The following C2CD5 variants were observed in gnomAD, a reference collection of about 807,000 sequenced individuals.
The protein encoded by C2CD5 is C2 calcium dependent domain containing 5, also known as C2 domain-containing protein 5.
In C2CD5, 109 loss-of-function variants were observed where a neutral mutation model predicts 130.3. The ratio of observed to expected loss-of-function variants is 0.84; its 90% confidence interval spans 0.72 to 0.98. C2CD5 has a LOEUF of 0.98. Ranked by LOEUF, C2CD5 falls within the 50% of genes least tolerant of loss-of-function variation. The pLI is 0.00. For missense variants in C2CD5, 996 were observed against 1,261.8 expected (o/e 0.79, Z 3.19); for synonymous variants, 454 against 429.2 (o/e 1.06, Z -0.71).
chr12:22,497,939 CACAA>C (rs1417695068), intron 10 of C2CD5, among the ~76,000 whole-genome samples: 3 of 145,970 alleles, frequency 2.1e-5, no homozygotes, highest in Non-Finnish European at 3.0e-5. Flanking sequence ...CACACACACA[CACAA>C]TGTAACTGGA....
chr12:22,533,993 C>T lies in C2CD5; in HGVS notation c.177+1265G>A, dbSNP rs189977188. Among the ~76,000 whole-genome samples the T allele has an allele frequency of 6.6e-5, 10 of 152,252 alleles. 1 individual carries two copies. The highest frequency in any genetic ancestry group is 2.1e-4 in the South Asian group (1 of 4,824). On this transcript the variant is annotated intron_variant, in intron 3 of 26. Coordinates refer to ENST00000446597, the MANE Select transcript of C2CD5 (RefSeq NM_001286176.2). The stretch of plus-strand genomic sequence containing the variant: ...TTGAGGTCAGGAGTTTGAGACCAGC[C>T]GGGCCAACAGGGCAAAACCCCATCT...
chr12:22,512,724 AATCATCC>A, intron 9 of C2CD5: 1 of 1,369,544 alleles, frequency 7.3e-7, no homozygotes, highest in Non-Finnish European at 9.8e-7. Context: ...GAGAGAGAGA[AATCATCC>A]AAAAACTGTA....
intron 14 of C2CD5, among the ~76,000 whole-genome samples, chr12:22,480,531 A>G (rs1031453165): frequency 1.3e-5 from 2 of 152,228 alleles, no homozygotes; most frequent in Non-Finnish European, 2.9e-5. Context: ...GAAAAGCAAT[A>G]TTTGAGGCAA....
chr12:22,456,838 C>A, intron 25 of C2CD5, 133 bp downstream of exon 25: 1 of 555,614 alleles, frequency 1.8e-6, no homozygotes, highest in South Asian at 2.6e-5. Context: ...AAACTCTAGA[C>A]TCAATCCAGA....
intron 2 of C2CD5, among the ~76,000 whole-genome samples, chr12:22,543,791 G>A (rs1182599175): frequency 6.6e-6 from 1 of 152,140 alleles, no homozygotes; most frequent in Non-Finnish European, 1.5e-5. Flanking sequence ...CAGGTGGCCT[G>A]TTAATGAGTC....
chr12:22,452,490 C>T (rs913936247), intron 26 of C2CD5, among the ~76,000 whole-genome samples: 2 of 152,146 alleles, frequency 1.3e-5, no homozygotes, highest in Admixed American at 6.6e-5. Flanking sequence ...TCCAGAACTG[C>T]AGTAGCCTCA....
intron 11 of C2CD5, among the ~76,000 whole-genome samples, chr12:22,491,317 T>C (rs750205326): frequency 2.6e-5 from 4 of 152,290 alleles, no homozygotes; most frequent in Non-Finnish European, 4.4e-5. Flanking sequence ...CTTCTTTTTT[T>C]TGCTACTCTT....
At chr12:22,501,378 C>T (rs7311431) in intron 10 of C2CD5, among the ~76,000 whole-genome samples, 24,176 of 152,026 alleles carry the variant, frequency 0.16, 3,822 homozygotes, top group African/African-American at 0.41. Flanking sequence ...ATTTCCAAGA[C>T]TGTTCTATCA....
Position 22,472,285 on chromosome 12 carries a change from C to G in C2CD5, c.2169+1G>C. 1 of 1,478,370 alleles carries G rather than the reference C, an allele frequency of 6.8e-7. No individual in the cohort carries two copies. The highest frequency in any genetic ancestry group is 9.3e-7 in the Non-Finnish European group (1 of 1,076,396). The allele number at this position is 1,478,370 out of a possible 1,614,324, so 91.6% of individuals were successfully genotyped here. On this transcript the variant is annotated splice_donor_variant, in intron 18 of 26. Coordinates refer to ENST00000446597, the MANE Select transcript of C2CD5 (RefSeq NM_001286176.2). LOFTEE classifies it high-confidence loss of function. ...CTTAAAATTAAGAAAAAAAGGTTTACCTGTATTTCAGAGGTCCAATTATTT... is the reference window on the plus strand; with the variant it reads ...CTTAAAATTAAGAAAAAAAGGTTTAGCTGTATTTCAGAGGTCCAATTATTT...
chr12:22,490,809 T>TA (rs1264479378), intron 11 of C2CD5, among the ~76,000 whole-genome samples: 1 of 152,068 alleles, frequency 6.6e-6, no homozygotes, highest in Non-Finnish European at 1.5e-5. Flanking sequence ...ATTTGAAAGC[T>TA]AAAAAATTAA....
chr12:22,504,782 T>C (rs1022405863), intron 10 of C2CD5, among the ~76,000 whole-genome samples: 1 of 152,204 alleles, frequency 6.6e-6, no homozygotes, highest in African/African-American at 2.4e-5. Flanking sequence ...TTTAACTCAG[T>C]ATTTCCTTGC....
chr12:22,476,272 T>A (rs1294825822), intron 15 of C2CD5, among the ~76,000 whole-genome samples: 1 of 152,078 alleles, frequency 6.6e-6, no homozygotes, highest in Non-Finnish European at 1.5e-5. Context: ...ATATTCAGGG[T>A]GGACATAACA....
At chr12:22,473,036 G>C (rs1943294329) in intron 16 of C2CD5, among the ~76,000 whole-genome samples, 1 of 151,964 alleles carries the variant, frequency 6.6e-6, no homozygotes, top group Non-Finnish European at 1.5e-5. Context: ...AAGAAAACTA[G>C]CTCTTTCTCA....
At chr12:22,480,435 A>C (rs931311386) in intron 14 of C2CD5, among the ~76,000 whole-genome samples, 2 of 152,220 alleles carry the variant, frequency 1.3e-5, no homozygotes, top group African/African-American at 4.8e-5. Context: ...TGCACAAACT[A>C]TAACAAAGCA....
At chr12:22,516,714 A>C (rs1287439672) in intron 8 of C2CD5, among the ~76,000 whole-genome samples, 1 of 151,692 alleles carries the variant, frequency 6.6e-6, no homozygotes, top group Non-Finnish European at 1.5e-5. Context: ...AAAGTCTCAA[A>C]AATATTTTTT....
At chr12:22,503,098 A>T (rs1455349170) in intron 10 of C2CD5, among the ~76,000 whole-genome samples, 1 of 152,186 alleles carries the variant, frequency 6.6e-6, no homozygotes, top group Non-Finnish European at 1.5e-5. Flanking sequence ...GATGTTCTTT[A>T]AAAAAGCCTC....
At chr12:22,539,328 G>A (rs1318942057) in intron 2 of C2CD5, among the ~76,000 whole-genome samples, 1 of 151,592 alleles carries the variant, frequency 6.6e-6, no homozygotes, top group Non-Finnish European at 1.5e-5. Context: ...AAGACATTAT[G>A]TTCCCCATTT....
rs1248810682 is a variant in C2CD5 at position 22,469,812 on chromosome 12, A to AT, written c.2447-18dup. ...CTGTTGAGGCTAGAAAGGCAAGAAA[A>AT]TATCAGTTATTTAGTAATGATCTAT... On this transcript the variant is annotated splice_polypyrimidine_tract_variant and intron_variant, in intron 21 of 26. Transcript: ENST00000446597. 6.9e-7 allele frequency: 1 copy of AT among 1,458,682 alleles called. No homozygotes were observed. Among genetic ancestry groups the AT allele is most frequent in the African/African-American group, 1.4e-5 (1 of 69,610 alleles). The allele number at this position is 1,458,682 out of a possible 1,614,324, so 90.4% of individuals were successfully genotyped here. A position where few individuals can be genotyped will look rare whatever the true frequency, so the allele number is the denominator to read the frequency against.
At chr12:22,519,294 T>A (rs1950052202) in intron 7 of C2CD5, 1 of 1,432,554 alleles carries the variant, frequency 7.0e-7, no homozygotes, top group African/African-American at 1.4e-5. Context: ...TACAACAGAT[T>A]GCAGAGTTAT....
Sources: allele counts gnomAD v4.1 joint callset (sites outside exome capture counted in the v4.1 genomes callset), GRCh38; gene constraint gnomAD v4.1.1; transcripts MANE v1.5; gene names NCBI Gene and HGNC (gene_info 2026-07-23, HGNC 2026-07-21).